Variants in CEP68 observed in about 807,000 individuals in gnomAD.
CEP68 encodes centrosomal protein of 68 kDa.
CEP68 carries 26 observed loss-of-function variants against 55.3 expected under a neutral mutation model. The observed-to-expected ratio is 0.47, with a 90% CI of 0.34 to 0.65. The LOEUF (loss-of-function observed/expected upper bound fraction) is 0.65. CEP68 is among the 30% of genes least tolerant of loss of function. The pLI is 0.01. For synonymous variants in CEP68, 402 were observed against 383.2 expected, an observed-to-expected ratio of 1.05 and a Z score of -0.57; for missense variants, 957 against 946.7, an observed-to-expected ratio of 1.01 and a Z score of -0.14.
At position 65,066,745 on chromosome 2, in the gene CEP68, A is replaced by AAAAATATAT. The variant is rs70943620; in HGVS notation, c.-46-2653_-46-2652insAAATATATA. On this transcript the variant is annotated intron_variant, in intron 1 of 6. Coordinates refer to ENST00000377990, the MANE Select transcript of CEP68 (RefSeq NM_015147.3). ...CTGTCTCAAAAAAAAAAAAAAAAAA[A>AAAAATATAT]ATATATATATATATATATATATACA... Among the ~76,000 whole-genome samples, 363 of 58,238 alleles carry AAAAATATAT rather than the reference A, an allele frequency of 6.2e-3. 1 individual carries two copies. The highest frequency in any genetic ancestry group is 9.1e-3 in the Non-Finnish European group (297 of 32,482). The allele number at this position is 58,238 out of a possible 152,430, so 38.2% of individuals were successfully genotyped here.
In CEP68 at chr2:65,072,523, T is replaced by A; in HGVS notation, c.1427T>A (p.Val476Glu). The change falls in exon 3 of 7, where the codon GTG becomes GAG. Residue 476 changes from valine to glutamate, a missense_variant. Coordinates refer to ENST00000377990, the MANE Select transcript of CEP68 (RefSeq NM_015147.3). ...TCTAGGTGGAAATCAGAAGAGGAAG[T>A]GGAAAGTGATGACGAGTATCTTGCC... ...TESRWKSEEE[V>E]ESDDEYLALP... 2.5e-6 allele frequency: 4 copies of A among 1,613,362 alleles called. No individual in the cohort carries two copies. The highest frequency in any genetic ancestry group is 2.5e-6 in the Non-Finnish European group (3 of 1,179,882).
In CEP68 at chr2:65,078,054, T is replaced by C. The variant is rs543191769; in HGVS notation, c.2104+90T>C. On this transcript the variant is annotated intron_variant, in intron 5 of 6. Coordinates refer to ENST00000377990, the MANE Select transcript of CEP68 (RefSeq NM_015147.3). The stretch of plus-strand genomic sequence containing the variant: ...CGCACTATCCCTGGTAAGGAGCTGG[T>C]ACCACAAGAGCCCCTGCCCACACCC... 1.7e-4 allele frequency: 157 copies of C among 925,422 alleles called. 1 individual carries two copies. The South Asian group carries it at 2.4e-3, about 14-fold the overall frequency. 57.3% of individuals were successfully genotyped at this position (925,422 alleles called of 1,614,324 possible).
Position 65,071,836 on chromosome 2 carries a change from A to C in CEP68, c.740A>C (p.Gln247Pro). The change falls in exon 3 of 7, where the codon CAG becomes CCG. Residue 247 changes from glutamine (Q) to proline (P), a missense_variant. Coordinates refer to ENST00000377990, the MANE Select transcript of CEP68 (RefSeq NM_015147.3). ...SSVVGLGPRP[Q>P]WSPQPVFSGG... is the part of the protein sequence containing the mutation. ...GTGGTGGGGCTAGGACCTCGGCCCC[A>C]GTGGTCACCACAGCCTGTGTTCTCT... 1 of 1,603,252 alleles carries C rather than the reference A, an allele frequency of 6.2e-7. No homozygotes were observed. Among genetic ancestry groups the C allele is most frequent in the South Asian group, 1.1e-5 (1 of 89,828 alleles).
rs147665059 is a variant in CEP68 at position 65,072,477 on chromosome 2, C to T, written c.1381C>T (p.Arg461Trp). ...GGAGAAGAGGACCAGCCAGAGTGCCCGGCGCCCTACCTGCACAGAGTCTAG... is the reference window on the plus strand; with the variant it reads ...GGAGAAGAGGACCAGCCAGAGTGCCTGGCGCCCTACCTGCACAGAGTCTAG... ...EREKRTSQSA[R>W]RPTCTESRWK... The change falls in exon 3 of 7, where the codon CGG (arginine) becomes TGG (tryptophan). Residue 461 changes from arginine to tryptophan, a missense_variant. Physicochemically the swap from Arg to Trp is moderately radical, Grantham distance 101. Transcript: ENST00000377990. The T allele has an allele frequency of 7.8e-5, 126 of 1,614,044 alleles. No homozygotes were observed. The highest frequency in any genetic ancestry group is 3.7e-4 in the African/African-American group (28 of 75,034).
chr2:65,056,825 CGCGGCGAG>C (rs1238394226), intron 1 of CEP68, among the ~76,000 whole-genome samples: 1 of 152,090 alleles, frequency 6.6e-6, no homozygotes, highest in Admixed American at 6.5e-5. Flanking sequence ...AATGCCCGGG[CGCGGCGAG>C]GGAGTGCGCG....
intron 6 of CEP68, 46 bp downstream of exon 6, chr2:65,082,755 G>A (rs757014002): frequency 7.3e-5 from 107 of 1,457,090 alleles, no homozygotes; most frequent in Non-Finnish European, 9.2e-5. Context: ...CAACCCTGCT[G>A]TAACAGTTGG....
At chr2:65,059,085 A>G (rs1675790922) in intron 1 of CEP68, among the ~76,000 whole-genome samples, 1 of 152,192 alleles carries the variant, frequency 6.6e-6, no homozygotes, top group South Asian at 2.1e-4. Flanking sequence ...CCATCCAGAA[A>G]GAAGCAGAGC....
rs562291845 is a variant in CEP68 at position 65,084,530 on chromosome 2, A to G, written c.*896A>G. 1.1e-4 allele frequency: 17 copies of G among 152,000 alleles called. No homozygotes were observed. The highest frequency in any genetic ancestry group is 2.9e-4 in the African/African-American group (12 of 41,472). The allele number at this position is 152,000 out of a possible 1,614,324, so 9.4% of individuals were successfully genotyped here. ...CACATAAGTACTTTGATTAAAAAAA[A>G]AAAAAACTATGGATCAACCATTCAA... On this transcript the variant is annotated 3_prime_UTR_variant, in exon 7 of 7. Transcript: ENST00000377990.
rs1187238083 is a variant in CEP68 at position 65,074,422 on chromosome 2, C to T, written c.2007+18C>T. On this transcript the variant is annotated intron_variant, in intron 4 of 6. Coordinates refer to ENST00000377990, the MANE Select transcript of CEP68 (RefSeq NM_015147.3). ...TTTACCGGGTAATATGCGGTCCTGG[C>T]TCTGGCTTGTTCCCTCACAAGAGTG... The T allele has an allele frequency of 1.2e-6, 2 of 1,613,962 alleles. No individual in the cohort carries two copies. Among genetic ancestry groups the T allele is most frequent in the East Asian group, 4.5e-5 (2 of 44,876 alleles).
At chr2:65,068,683 C>A (rs1433788834) in intron 1 of CEP68, among the ~76,000 whole-genome samples, 1 of 152,016 alleles carries the variant, frequency 6.6e-6, no homozygotes, top group East Asian at 1.9e-4. Flanking sequence ...AAAAATTAGC[C>A]AGGCGTGGTG....
intron 1 of CEP68, among the ~76,000 whole-genome samples, chr2:65,059,524 G>A (rs1336848711): frequency 6.6e-6 from 1 of 152,092 alleles, no homozygotes; most frequent in Non-Finnish European, 1.5e-5. Flanking sequence ...TTTCAGCTGT[G>A]GTATTCTATA....
chr2:65,085,928 G>GATGCCACACTGGA lies in CEP68; in HGVS notation c.*2297_*2309dup, dbSNP rs1214752873. On this transcript the variant is annotated 3_prime_UTR_variant, in exon 7 of 7. Coordinates refer to ENST00000377990, the MANE Select transcript of CEP68 (RefSeq NM_015147.3). Reference sequence around the variant, plus strand: ...TAGCTGAGCTTGCTAACTGCACTGTGATGCCACACTGGAATAACTTAGTAG... The same window carrying GATGCCACACTGGA: ...TAGCTGAGCTTGCTAACTGCACTGTGATGCCACACTGGAATGCCACACTGGAATAACTTAGTAG... 1.3e-5 allele frequency: 2 copies of GATGCCACACTGGA among 152,228 alleles called. No homozygotes were observed. Among genetic ancestry groups the GATGCCACACTGGA allele is most frequent in the African/African-American group, 4.8e-5 (2 of 41,460 alleles). The allele number at this position is 152,228 out of a possible 1,614,324, so 9.4% of individuals were successfully genotyped here.
chr2:65,069,352 C>A (rs1238418564), intron 1 of CEP68, 47 bp from the exon 2 acceptor site: 26 of 1,005,442 alleles, frequency 2.6e-5, no homozygotes, highest in Non-Finnish European at 3.7e-5. Context: ...TTCCTGAACA[C>A]AGATGTAGAA....
intron 1 of CEP68, among the ~76,000 whole-genome samples, chr2:65,061,279 A>G (rs1292742322): frequency 6.6e-6 from 1 of 152,220 alleles, no homozygotes; most frequent in Non-Finnish European, 1.5e-5. Context: ...CAGCCAACAG[A>G]TAAGTGAGTG....
intron 1 of CEP68, among the ~76,000 whole-genome samples, chr2:65,059,161 A>G (rs780080034): frequency 4.6e-5 from 7 of 152,160 alleles, no homozygotes; most frequent in Admixed American, 2.6e-4. Context: ...CCTATCTTTA[A>G]TGTTGTTCAC....
chr2:65,086,078 A>G lies in CEP68; in HGVS notation c.*2444A>G, dbSNP rs1397427352. On this transcript the variant is annotated 3_prime_UTR_variant, in exon 7 of 7. Transcript: ENST00000377990. ...GCTCAGCAAATGGAAGACGACGTCA[A>G]CACGGCTATTTTGAAGCTTAGGTGG... The G allele has an allele frequency of 1.3e-4, 9 of 69,702 alleles. No individual in the cohort carries two copies. 4.3% of individuals were successfully genotyped at this position (69,702 alleles called of 1,614,324 possible). A position where few individuals can be genotyped will look rare whatever the true frequency, so the allele number is the denominator to read the frequency against.
At chr2:65,067,857 G>A (rs1040060174) in intron 1 of CEP68, among the ~76,000 whole-genome samples, 5 of 152,204 alleles carry the variant, frequency 3.3e-5, no homozygotes, top group Non-Finnish European at 5.9e-5. Context: ...TCTTCTCCAG[G>A]GTCACTTCTG....
Position 65,071,963 on chromosome 2 carries a change from C to T in CEP68, c.867C>T (p.His289=), listed in dbSNP as rs1284371125. Residue 289 remains histidine (H), a synonymous_variant, in exon 3 of 7, where the codon CAC becomes CAT. Coordinates refer to ENST00000377990, the MANE Select transcript of CEP68 (RefSeq NM_015147.3). ...CCCTGCCTCCATCACCCGACCGCCACTCCCCTCTCTGGAACCCAAATAAAG... is the reference window on the plus strand; with the variant it reads ...CCCTGCCTCCATCACCCGACCGCCATTCCCCTCTCTGGAACCCAAATAAAG... ...PDSLPPSPDR[H]SPLWNPNKEY... is the part of the protein sequence containing the mutation. The T allele has an allele frequency of 6.2e-6, 10 of 1,613,046 alleles. No individual in the cohort carries two copies. The highest frequency in any genetic ancestry group is 8.5e-6 in the Non-Finnish European group (10 of 1,180,000).
chr2:65,067,617 G>A (rs919826962), intron 1 of CEP68, among the ~76,000 whole-genome samples: 2 of 152,050 alleles, frequency 1.3e-5, no homozygotes, highest in African/African-American at 2.4e-5. Context: ...TGACACTAAT[G>A]ACAACAGCCA....
Sources: allele counts gnomAD v4.1 joint callset (sites outside exome capture counted in the v4.1 genomes callset), GRCh38; gene constraint gnomAD v4.1.1; transcripts MANE v1.5; gene names NCBI Gene and HGNC (gene_info 2026-07-23, HGNC 2026-07-21).